TESC: variants seen among roughly 807,000 people sequenced by gnomAD.
TESC encodes calcineurin B homologous protein 3.
In TESC, 19 loss-of-function variants were observed where a neutral mutation model predicts 31.0. That is an observed-to-expected ratio of 0.61 (90% CI 0.43 to 0.90). TESC has a LOEUF of 0.90. TESC is among the 40% of genes least tolerant of loss of function. The pLI is 0.00. For synonymous variants in TESC, 109 were observed against 114.8 expected, an observed-to-expected ratio of 0.95 and a Z score of 0.32; for missense variants, 248 against 303.8, an observed-to-expected ratio of 0.82 and a Z score of 1.36.
chr12:117,053,365 C>T (rs1051060738), intron 3 of TESC, among the ~76,000 whole-genome samples: 1 of 152,162 alleles, frequency 6.6e-6, no homozygotes, highest in Admixed American at 6.5e-5. Context: ...TCCTGGAGCT[C>T]GGCTGTTCAT....
chr12:117,079,536 T>C (rs1052144254), intron 1 of TESC, among the ~76,000 whole-genome samples: 3 of 149,880 alleles, frequency 2.0e-5, no homozygotes, highest in Admixed American at 1.3e-4. Context: ...CACTCCAGAC[T>C]GGGTGACAAA....
rs111519044 is a variant in TESC at position 117,051,804 on chromosome 12, G to A, written c.210-2646C>T. Among the ~76,000 whole-genome samples the A allele has an allele frequency of 3.7e-4, 56 of 152,156 alleles. 2 individuals are homozygous for A. The highest frequency in any genetic ancestry group is 1.2e-3 in the African/African-American group (49 of 41,512). On this transcript the variant is annotated intron_variant, in intron 3 of 7. Coordinates refer to ENST00000335209, the MANE Select transcript of TESC (RefSeq NM_017899.4). Reference sequence around the variant, plus strand: ...AAGGAAGGAGGGTCCCTTCCCCTCCGAGTGCTCCCGCAGGTCTGAAGAGAC... The same window carrying A: ...AAGGAAGGAGGGTCCCTTCCCCTCCAAGTGCTCCCGCAGGTCTGAAGAGAC...
Position 117,094,872 on chromosome 12 carries a change from C to T in TESC, c.58+4353G>A, listed in dbSNP as rs978921246. ...CTCTACTAAAAATACAAAAATTAGC[C>T]GAGCATGGTGGCGGGCACCTGTAAT... On this transcript the variant is annotated intron_variant, in intron 1 of 7. Transcript: ENST00000335209. Among the ~76,000 whole-genome samples the T allele has an allele frequency of 4.6e-5, 7 of 151,504 alleles. No individual in the cohort carries two copies. The East Asian group carries it at 1.2e-3, about 26-fold the overall frequency.
chr12:117,074,411 T>A (rs1323142529), intron 2 of TESC, among the ~76,000 whole-genome samples: 1 of 152,102 alleles, frequency 6.6e-6, no homozygotes, highest in Non-Finnish European at 1.5e-5. Flanking sequence ...TCAACCGGAA[T>A]ACAGTTTAAG....
intron 3 of TESC, among the ~76,000 whole-genome samples, chr12:117,055,712 G>T (rs2135759183): frequency 6.6e-6 from 1 of 152,330 alleles, no homozygotes; most frequent in East Asian, 1.9e-4. Flanking sequence ...CTCTGGAGGG[G>T]CCCAGGAGAT....
At chr12:117,099,204 C>T in intron 1 of TESC, 21 bp downstream of exon 1, 3 of 1,480,428 alleles carry the variant, frequency 2.0e-6, no homozygotes, top group East Asian at 2.9e-5. Context: ...GGTCCCCGCG[C>T]CGCCCCCCGC....
Position 117,049,049 on chromosome 12 carries a change from C to T in TESC, c.319G>A (p.Val107Met), listed in dbSNP as rs1257675529. ...AGCTTCTCCTTCCGGGACAGCTCCA[C>T]CTGTTCCTCGTCCATGGTGGTGTCG... ...PIDTTMDEEQ[V>M]ELSRKEKLRF... is the part of the protein sequence containing the mutation. The change falls in exon 4 of 8, where the codon GTG becomes ATG. Residue 107 changes from valine (V) to methionine (M), a missense_variant. Physicochemically the swap from Val to Met is conservative, Grantham distance 21. Coordinates refer to ENST00000335209, the MANE Select transcript of TESC (RefSeq NM_017899.4). 6.2e-7 allele frequency: 1 copy of T among 1,614,228 alleles called. No individual in the cohort carries two copies. The highest frequency in any genetic ancestry group is 8.5e-7 in the Non-Finnish European group (1 of 1,180,042).
chr12:117,039,369 C>T lies in TESC; in HGVS notation c.568-159G>A, dbSNP rs535272022. ...GAGGGCTGTGTTTCAAGACTATGAG[C>T]TAAGCGAGGACGAAAAACTTCCATC... On this transcript the variant is annotated intron_variant, in intron 7 of 7. Coordinates refer to ENST00000335209, the MANE Select transcript of TESC (RefSeq NM_017899.4). Among the ~76,000 whole-genome samples the T allele has an allele frequency of 3.3e-5, 5 of 152,336 alleles. No individual in the cohort carries two copies. In the South Asian group the frequency reaches 1.0e-3, roughly 32 times the overall value.
intron 1 of TESC, among the ~76,000 whole-genome samples, chr12:117,079,184 A>G (rs1455637786): frequency 6.6e-6 from 1 of 152,086 alleles, no homozygotes; most frequent in African/African-American, 2.4e-5. Flanking sequence ...TTGTATGATC[A>G]CTTAACCCCC....
At chr12:117,082,711 T>A (rs1373709890) in intron 1 of TESC, among the ~76,000 whole-genome samples, 4 of 152,282 alleles carry the variant, frequency 2.6e-5, no homozygotes, top group African/African-American at 7.2e-5. Context: ...CATATTGATA[T>A]ACACATGTGC....
At chr12:117,061,323 C>T (rs556608416) in intron 2 of TESC, among the ~76,000 whole-genome samples, 19 of 152,108 alleles carry the variant, frequency 1.2e-4, no homozygotes, top group African/African-American at 4.6e-4. Context: ...GATGGCTGCA[C>T]GCAGGGCTTC....
At position 117,075,905 on chromosome 12, in the gene TESC, A is replaced by ATGTATG. The variant is rs1565971589; in HGVS notation, c.59-566_59-565insCATACA. On this transcript the variant is annotated intron_variant, in intron 1 of 7. Transcript: ENST00000335209. ...TATATATATATATATATATATATAT[A>ATGTATG]TATATATATGTGTGTGTGTATATAT... is the stretch of plus-strand genomic sequence containing the variant. Among the ~76,000 whole-genome samples, 357 of 76,648 alleles carry ATGTATG rather than the reference A, an allele frequency of 4.7e-3. 19 individuals are homozygous for ATGTATG. The highest frequency in any genetic ancestry group is 0.033 in the African/African-American group (347 of 10,652). The allele number at this position is 76,648 out of a possible 152,430, so 50.3% of individuals were successfully genotyped here. A position where few individuals can be genotyped will look rare whatever the true frequency, so the allele number is the denominator to read the frequency against.
chr12:117,049,831 G>A (rs184015439), intron 3 of TESC, among the ~76,000 whole-genome samples: 2 of 151,502 alleles, frequency 1.3e-5, no homozygotes, highest in East Asian at 3.9e-4. Flanking sequence ...AACTCAGGAG[G>A]TGGAGGTTGC....
intron 6 of TESC, among the ~76,000 whole-genome samples, chr12:117,044,109 T>A (rs1411198652): frequency 6.6e-6 from 1 of 151,956 alleles, no homozygotes; most frequent in Non-Finnish European, 1.5e-5. Flanking sequence ...AAAAAACTTT[T>A]AAAAATTAGC....
intron 1 of TESC, among the ~76,000 whole-genome samples, chr12:117,085,259 C>T (rs1271450923): frequency 6.6e-6 from 1 of 152,080 alleles, no homozygotes; most frequent in East Asian, 1.9e-4. Context: ...GTGGTGGGGG[C>T]GTGAAGGCCT....
intron 6 of TESC, among the ~76,000 whole-genome samples, chr12:117,042,323 CA>C (rs1172665018): frequency 1.3e-5 from 2 of 152,076 alleles, no homozygotes; most frequent in Non-Finnish European, 2.9e-5. Flanking sequence ...GTGTGGGTGA[CA>C]TGAGGGCATG....
At chr12:117,065,880 A>G (rs952463796) in intron 2 of TESC, among the ~76,000 whole-genome samples, 22 of 152,244 alleles carry the variant, frequency 1.4e-4, no homozygotes, top group African/African-American at 5.3e-4. Context: ...AAACAACAAC[A>G]AAAAAGTAGG....
In TESC at chr12:117,099,221, T is replaced by C; in HGVS notation, c.58+4A>G. The stretch of plus-strand genomic sequence containing the variant: ...TCCCCGCGCCGCCCCCCGCGGGTAC[T>C]CACAGCCGGTCTTGCCCTCGAGCTC... On this transcript the variant is annotated splice_donor_region_variant and intron_variant, in intron 1 of 7. Transcript: ENST00000335209. 2.0e-6 allele frequency: 3 copies of C among 1,481,986 alleles called. No homozygotes were observed. Among genetic ancestry groups the C allele is most frequent in the East Asian group, 3.0e-5 (1 of 33,894 alleles). 91.8% of individuals were successfully genotyped at this position (1,481,986 alleles called of 1,614,324 possible). A position where few individuals can be genotyped will look rare whatever the true frequency, so the allele number is the denominator to read the frequency against.
rs1269646222 is a variant in TESC, at chr12:117,052,978, C to G, written c.210-3820G>C. On this transcript the variant is annotated intron_variant, in intron 3 of 7. Coordinates refer to ENST00000335209, the MANE Select transcript of TESC (RefSeq NM_017899.4). The stretch of plus-strand genomic sequence containing the variant: ...CTGGTAATCCCCAATCCCACCTGGT[C>G]TCCCAGGCCTGCAGGGTGGTCTCAG... Among the ~76,000 whole-genome samples, 11 of 152,212 alleles carry G rather than the reference C, an allele frequency of 7.2e-5. 1 individual carries two copies. The highest frequency in any genetic ancestry group is 7.2e-4 in the Admixed American group (11 of 15,286).
Sources: allele counts gnomAD v4.1 joint callset (sites outside exome capture counted in the v4.1 genomes callset), GRCh38; gene constraint gnomAD v4.1.1; transcripts MANE v1.5; gene names NCBI Gene and HGNC (gene_info 2026-07-23, HGNC 2026-07-21).